SLC22A15: variants seen among roughly 807,000 people sequenced by gnomAD.
SLC22A15 encodes the protein flipt 1.
SLC22A15 carries 45 observed loss-of-function variants against 62.7 expected under a neutral mutation model. The observed-to-expected ratio is 0.72, with a 90% CI of 0.56 to 0.92. The LOEUF (loss-of-function observed/expected upper bound fraction) is 0.92. Ranked by LOEUF, SLC22A15 falls within the 40% of genes least tolerant of loss-of-function variation. The pLI is 0.00. For missense variants in SLC22A15, 622 were observed against 665.6 expected (o/e 0.93, Z 0.72); for synonymous variants, 264 against 267.0 (o/e 0.99, Z 0.11).
chr1:116,046,233 AG>A (rs1000058073), intron 8 of SLC22A15, among the ~76,000 whole-genome samples: 2 of 152,168 alleles, frequency 1.3e-5, no homozygotes, highest in African/African-American at 4.8e-5. Flanking sequence ...AAGCACAAAA[AG>A]AAAAAAAATT....
chr1:116,042,367 A>G (rs1657811362), intron 8 of SLC22A15, among the ~76,000 whole-genome samples: 1 of 152,038 alleles, frequency 6.6e-6, no homozygotes, highest in South Asian at 2.1e-4. Flanking sequence ...ATATGAAAAA[A>G]ATACAGTAGA....
At chr1:116,005,205 G>A (rs1277589506) in intron 2 of SLC22A15, among the ~76,000 whole-genome samples, 6 of 152,082 alleles carry the variant, frequency 3.9e-5, no homozygotes, top group African/African-American at 1.4e-4. Context: ...AAGGAATAAG[G>A]AAAAGCATGC....
At chr1:116,029,700 C>A (rs1657297676) in intron 5 of SLC22A15, among the ~76,000 whole-genome samples, 1 of 152,056 alleles carries the variant, frequency 6.6e-6, no homozygotes, top group Admixed American at 6.5e-5. Flanking sequence ...CTCTCAAATA[C>A]CAGCTTTAAA....
intron 2 of SLC22A15, among the ~76,000 whole-genome samples, chr1:116,000,233 T>G (rs1655653140): frequency 3.3e-5 from 5 of 152,232 alleles, no homozygotes; most frequent in Admixed American, 2.6e-4. Context: ...TTTAATTTCT[T>G]GCTGAAATTT....
In SLC22A15 at chr1:116,030,168, G is replaced by A. The variant is rs72996734; in HGVS notation, c.729-1198G>A. ...TTTTGCTGACAGTCAAATATTGTGCGTGAATATTCCTTTCCTCAGTAGCAA... is the reference window on the plus strand; with the variant it reads ...TTTTGCTGACAGTCAAATATTGTGCATGAATATTCCTTTCCTCAGTAGCAA... On this transcript the variant is annotated intron_variant, in intron 5 of 11. Transcript: ENST00000369503. Among the ~76,000 whole-genome samples the A allele has an allele frequency of 5.0e-3, 764 of 152,238 alleles. 9 individuals are homozygous for A. Among genetic ancestry groups the A allele is most frequent in the African/African-American group, 0.018 (733 of 41,536 alleles).
At position 115,987,778 on chromosome 1, in the gene SLC22A15, G is replaced by T. The variant is rs376552197; in HGVS notation, c.88-4253G>T. 3.9e-3 allele frequency among the ~76,000 whole-genome samples: 587 copies of T among 152,106 alleles called. 2 individuals are homozygous for T. The highest frequency in any genetic ancestry group is 6.8e-3 in the Middle Eastern group (2 of 294). The stretch of plus-strand genomic sequence containing the variant: ...TTTATTTTCTCCGAAAAAAGCTCTG[G>T]CCCCAAAGTTAAGTGGTTCTCGTTC... On this transcript the variant is annotated intron_variant, in intron 1 of 11. Coordinates refer to ENST00000369503, the MANE Select transcript of SLC22A15 (RefSeq NM_018420.3).
At chr1:115,987,438 A>G (rs1274898974) in intron 1 of SLC22A15, among the ~76,000 whole-genome samples, 1 of 152,208 alleles carries the variant, frequency 6.6e-6, no homozygotes, top group Non-Finnish European at 1.5e-5. Flanking sequence ...TGCTGGGATT[A>G]CTGGCATGAG....
chr1:116,041,062 G>T (rs957674744), intron 8 of SLC22A15, among the ~76,000 whole-genome samples: 2 of 152,176 alleles, frequency 1.3e-5, no homozygotes, highest in African/African-American at 4.8e-5. Flanking sequence ...AGTGGCATTG[G>T]GCTCTCATTG....
intron 8 of SLC22A15, among the ~76,000 whole-genome samples, chr1:116,039,037 G>T (rs997982646): frequency 6.6e-6 from 1 of 152,162 alleles, no homozygotes; most frequent in Non-Finnish European, 1.5e-5. Flanking sequence ...GCAGATGTAT[G>T]GTCTCCCCTC....
chr1:115,982,901 G>T (rs1173006741), intron 1 of SLC22A15, among the ~76,000 whole-genome samples: 1 of 152,170 alleles, frequency 6.6e-6, no homozygotes, highest in Non-Finnish European at 1.5e-5. Context: ...TCTTGCTAGG[G>T]ATATCTTTTC....
chr1:115,996,762 TTAATAGTTA>T (rs1157573320), intron 2 of SLC22A15, among the ~76,000 whole-genome samples: 2 of 152,114 alleles, frequency 1.3e-5, no homozygotes, highest in East Asian at 3.8e-4. Flanking sequence ...TTTAATTTCT[TTAATAGTTA>T]TAGCGTGATT....
rs1658574718 is a variant in SLC22A15 at position 116,069,713 on chromosome 1, A to G, written c.*2605A>G. On this transcript the variant is annotated 3_prime_UTR_variant, in exon 12 of 12. Coordinates refer to ENST00000369503, the MANE Select transcript of SLC22A15 (RefSeq NM_018420.3). ...TCAAGCAATGCAGATATTCTTTAGT[A>G]TTTAAAAATGAGCAAATAAACAAAA... 6.6e-6 allele frequency: 1 copy of G among 152,214 alleles called. No homozygotes were observed. The highest frequency in any genetic ancestry group is 2.1e-4 in the South Asian group (1 of 4,836). The allele number at this position is 152,214 out of a possible 1,614,324, so 9.4% of individuals were successfully genotyped here. A position where few individuals can be genotyped will look rare whatever the true frequency, so the allele number is the denominator to read the frequency against.
At chr1:116,026,177 G>A (rs1476119103) in intron 4 of SLC22A15, among the ~76,000 whole-genome samples, 1 of 152,172 alleles carries the variant, frequency 6.6e-6, no homozygotes, top group Non-Finnish European at 1.5e-5. Flanking sequence ...ACTTTGGGAG[G>A]CTGAGGCAGG....
intron 1 of SLC22A15, among the ~76,000 whole-genome samples, chr1:115,979,202 A>G (rs181243267): frequency 2.6e-5 from 4 of 152,324 alleles, no homozygotes; most frequent in African/African-American, 9.6e-5. Context: ...AGCCAATTCT[A>G]AAGGGTTTTT....
intron 2 of SLC22A15, among the ~76,000 whole-genome samples, chr1:115,999,928 C>A (rs1655636799): frequency 6.6e-6 from 1 of 151,994 alleles, no homozygotes. Context: ...GCTATTCCTG[C>A]CCTTTTTTGG....
At chr1:115,982,678 A>G (rs571556796) in intron 1 of SLC22A15, among the ~76,000 whole-genome samples, 3 of 152,282 alleles carry the variant, frequency 2.0e-5, no homozygotes, top group Admixed American at 2.0e-4. Context: ...TTGATTGTTT[A>G]TCAGTCTTCT....
chr1:116,037,620 G>T, intron 8 of SLC22A15: 1 of 423,110 alleles, frequency 2.4e-6, no homozygotes, highest in Non-Finnish European at 4.3e-6. Flanking sequence ...GCTACCATCT[G>T]GGGTGACTGA....
intron 6 of SLC22A15, among the ~76,000 whole-genome samples, chr1:116,033,571 G>GTA (rs1570755966): frequency 8.3e-6 from 1 of 120,064 alleles, no homozygotes; most frequent in East Asian, 2.7e-4. Context: ...GTGTGTGTGT[G>GTA]TGTGTGTGTG....
intron 5 of SLC22A15, among the ~76,000 whole-genome samples, chr1:116,028,805 A>G (rs918347847): frequency 6.6e-6 from 1 of 152,120 alleles, no homozygotes; most frequent in Non-Finnish European, 1.5e-5. Context: ...GCTGCTACTC[A>G]GTGCTGTGTC....
Sources: allele counts gnomAD v4.1 joint callset (sites outside exome capture counted in the v4.1 genomes callset), GRCh38; gene constraint gnomAD v4.1.1; transcripts MANE v1.5; gene names NCBI Gene and HGNC (gene_info 2026-07-23, HGNC 2026-07-21).